Variants in NEK11 observed in about 807,000 individuals in gnomAD.
The protein encoded by NEK11 is serine/threonine-protein kinase Nek11.
NEK11 carries 72 observed loss-of-function variants against 80.7 expected under a neutral mutation model. The ratio of observed to expected loss-of-function variants is 0.89; its 90% CI spans 0.74 to 1.08. NEK11 has a LOEUF of 1.08. Among genes scored for constraint, NEK11 ranks in the 50% least tolerant of loss-of-function variants. NEK11 has a pLI of 0.00. For synonymous variants in NEK11, 251 were observed against 260.7 expected (o/e 0.96, Z 0.36); for missense variants, 764 against 763.6 (o/e 1.00, Z -0.01).
At chr3:131,333,954 C>G (rs1028569368) in intron 17 of NEK11, among the ~76,000 whole-genome samples, 2 of 152,064 alleles carry the variant, frequency 1.3e-5, no homozygotes, top group African/African-American at 4.8e-5. Flanking sequence ...ACAGGAGCAC[C>G]CAGATTCATA....
intron 3 of NEK11, among the ~76,000 whole-genome samples, chr3:131,033,624 A>C (rs1399815145): frequency 6.6e-6 from 1 of 152,230 alleles, no homozygotes; most frequent in East Asian, 1.9e-4. Context: ...CATAGTACTT[A>C]ACTTTTCCGT....
At chr3:131,299,681 T>A (rs2096639792) in intron 17 of NEK11, among the ~76,000 whole-genome samples, 1 of 152,214 alleles carries the variant, frequency 6.6e-6, no homozygotes, top group Non-Finnish European at 1.5e-5. Context: ...TCCAGCTCCA[T>A]CCATGTTACT....
intron 5 of NEK11, among the ~76,000 whole-genome samples, chr3:131,125,982 G>T (rs186152458): frequency 6.6e-6 from 1 of 152,192 alleles, no homozygotes; most frequent in African/African-American, 2.4e-5. Context: ...TTAAGTTGGT[G>T]TTTAAAGGAC....
At chr3:131,205,135 G>T (rs1196403329) in intron 14 of NEK11, among the ~76,000 whole-genome samples, 1 of 152,196 alleles carries the variant, frequency 6.6e-6, no homozygotes, top group Non-Finnish European at 1.5e-5. Flanking sequence ...AGCTGGGTGG[G>T]CTTGGTGCAA....
rs189421532 is a variant in NEK11 at position 131,049,248 on chromosome 3, A to G, written c.170+19370A>G. On this transcript the variant is annotated intron_variant, in intron 3 of 17. Transcript: ENST00000383366. ...GACCTCATGGTATGGACTCAGCATG[A>G]TTATGTTCTATGTAGAATCTAGAGA... Among the ~76,000 whole-genome samples the G allele has an allele frequency of 1.8e-3, 271 of 152,334 alleles. 3 individuals carry two copies. The highest frequency in any genetic ancestry group is 1.7e-3 in the Admixed American group (26 of 15,302).
chr3:131,178,340 T>C (rs2093155725), intron 14 of NEK11, among the ~76,000 whole-genome samples: 5 of 152,222 alleles, frequency 3.3e-5, no homozygotes, highest in Admixed American at 3.3e-4. Context: ...TTACTGTAAC[T>C]TTTTTACTTT....
rs1190618195 is a variant in NEK11, at chr3:131,300,293, GTA to G, written c.1718+26722_1718+26723del. On this transcript the variant is annotated intron_variant, in intron 17 of 17. Transcript: ENST00000383366. The stretch of plus-strand genomic sequence containing the variant: ...TTGTGAATATTAGACCTTGTCAGAT[GTA>G]TAGTTTGTAAATATTTTCTCCCATT... 2.6e-5 allele frequency among the ~76,000 whole-genome samples: 4 copies of G among 152,252 alleles called. No homozygotes were observed. In the East Asian group the frequency reaches 7.7e-4, roughly 29 times the overall value.
Position 131,152,698 on chromosome 3 carries a change from G to A in NEK11, c.865G>A (p.Glu289Lys). 6.2e-7 allele frequency: 1 copy of A among 1,609,208 alleles called. No individual in the cohort carries two copies. The highest frequency in any genetic ancestry group is 8.5e-7 in the Non-Finnish European group (1 of 1,175,998). Residue 289 changes from glutamate (E) to lysine (K), a missense_variant, in exon 9 of 18, where the codon GAG becomes AAG. Coordinates refer to ENST00000383366, the MANE Select transcript of NEK11 (RefSeq NM_024800.5). ...AATTTTAAAAATCCCTTACCTTGAT[G>A]AGCAGCTACAGGTATTTAAAATGAA... ...IEILKIPYLD[E>K]QLQNLMCRYS... is the part of the protein sequence containing the mutation.
At chr3:131,275,972 T>C (rs909043215) in intron 17 of NEK11, among the ~76,000 whole-genome samples, 9 of 152,096 alleles carry the variant, frequency 5.9e-5, no homozygotes, top group Non-Finnish European at 8.8e-5. Flanking sequence ...GCCAAATAGA[T>C]GATGAGAGCT....
chr3:131,102,356 C>T (rs2078501957), intron 4 of NEK11, among the ~76,000 whole-genome samples: 1 of 152,142 alleles, frequency 6.6e-6, no homozygotes, highest in Admixed American at 6.6e-5. Flanking sequence ...AAGGACCACT[C>T]GTGAGGCTGG....
intron 14 of NEK11, among the ~76,000 whole-genome samples, chr3:131,214,237 A>G (rs2094735361): frequency 6.6e-6 from 1 of 152,240 alleles, no homozygotes; most frequent in African/African-American, 2.4e-5. Context: ...GTCTTAATGC[A>G]GAAAAGTAAC....
chr3:131,309,654 G>A (rs2096758180), intron 17 of NEK11, among the ~76,000 whole-genome samples: 2 of 151,538 alleles, frequency 1.3e-5, no homozygotes, highest in African/African-American at 4.9e-5. Context: ...AAGAATGGAT[G>A]TTGAGTAAAT....
At chr3:131,242,001 T>A (rs1450308311) in intron 15 of NEK11, among the ~76,000 whole-genome samples, 1 of 152,156 alleles carries the variant, frequency 6.6e-6, no homozygotes, top group Non-Finnish European at 1.5e-5. Flanking sequence ...AAAGGGAGAT[T>A]CCTTCAGATA....
chr3:131,160,519 C>A, intron 10 of NEK11, among the ~76,000 whole-genome samples: 1 of 152,164 alleles, frequency 6.6e-6, no homozygotes, highest in East Asian at 1.9e-4. Context: ...AGCAACCATA[C>A]AAACAAGTCT....
chr3:131,199,958 A>C (rs2094165190), intron 14 of NEK11, among the ~76,000 whole-genome samples: 1 of 152,148 alleles, frequency 6.6e-6, no homozygotes, highest in African/African-American at 2.4e-5. Context: ...TCAGGAAATA[A>C]CAGGGGAAAA....
At chr3:131,302,946 G>C (rs1235813688) in intron 17 of NEK11, among the ~76,000 whole-genome samples, 1 of 152,074 alleles carries the variant, frequency 6.6e-6, no homozygotes, top group African/African-American at 2.4e-5. Flanking sequence ...GTGGGGTGTT[G>C]AAGTCTCTCA....
chr3:131,143,901 T>G (rs1460956698), intron 7 of NEK11, among the ~76,000 whole-genome samples: 2 of 152,170 alleles, frequency 1.3e-5, no homozygotes, highest in Non-Finnish European at 2.9e-5. Context: ...CATTACTGTT[T>G]CCATAGATTG....
At chr3:131,309,319 G>T (rs1396312215) in intron 17 of NEK11, among the ~76,000 whole-genome samples, 4 of 152,092 alleles carry the variant, frequency 2.6e-5, no homozygotes, top group Non-Finnish European at 5.9e-5. Flanking sequence ...TGAATCTTTG[G>T]GGGAAGAAAC....
At chr3:131,105,061 G>A (rs1454871132) in intron 4 of NEK11, among the ~76,000 whole-genome samples, 4 of 152,188 alleles carry the variant, frequency 2.6e-5, no homozygotes, top group African/African-American at 7.2e-5. Context: ...AAGATCTAGT[G>A]TTTACTTGCA....
Sources: allele counts gnomAD v4.1 joint callset (sites outside exome capture counted in the v4.1 genomes callset), GRCh38; gene constraint gnomAD v4.1.1; transcripts MANE v1.5; gene names NCBI Gene and HGNC (gene_info 2026-07-23, HGNC 2026-07-21).